AOX1: variants seen among roughly 807,000 people sequenced by gnomAD.
AOX1 encodes the protein aldehyde oxidase.
In AOX1, 153 loss-of-function variants were observed where a neutral mutation model predicts 169.5. The ratio of observed to expected loss-of-function variants is 0.90; its 90% CI spans 0.79 to 1.03. The LOEUF is 1.03. Ranked by LOEUF, AOX1 falls within the 50% of genes least tolerant of loss-of-function variation. AOX1 has a pLI of 0.00. For synonymous variants in AOX1, 562 were observed against 581.9 expected, an observed-to-expected ratio of 0.97 and a Z score of 0.49; for missense variants, 1,656 against 1,663.9, an observed-to-expected ratio of 1.00 and a Z score of 0.08.
At position 200,669,696 on chromosome 2, in the gene AOX1, C is replaced by T. The variant is rs771024005; in HGVS notation, c.3920C>T (p.Thr1307Ile). Residue 1307 changes from threonine (T) to isoleucine (I), a missense_variant, in exon 34 of 35, where the codon ACC (threonine) becomes ATC (isoleucine). Thr to Ile is a moderately conservative substitution (Grantham distance 89). Transcript: ENST00000374700. ...HGPLTLNSPL[T>I]PEKIRMACED... is the part of the protein sequence containing the mutation. ...CCCTTGACCCTTAATAGTCCACTGA[C>T]CCCGGAGAAGATTAGGATGGCCTGT... 13 of 1,613,752 alleles carry T rather than the reference C, an allele frequency of 8.1e-6. No individual in the cohort carries two copies. In the East Asian group the frequency reaches 2.9e-4, roughly 36 times the overall value.
Position 200,586,120 on chromosome 2 carries a change from G to T in AOX1, c.12G>T (p.Ala4=). The T allele has an allele frequency of 6.4e-7, 1 of 1,563,206 alleles. No homozygotes were observed. Among genetic ancestry groups the T allele is most frequent in the East Asian group, 2.4e-5 (1 of 42,036 alleles). Reference sequence around the variant, plus strand: ...GCGCGGACACCACAATGGACCGGGCGTCCGAGCTGCTCTTCTACGTGAACG... The same window carrying T: ...GCGCGGACACCACAATGGACCGGGCTTCCGAGCTGCTCTTCTACGTGAACG... MDR[A]SELLFYVNGR... The change falls in exon 1 of 35, where the codon GCG becomes GCT. Residue 4 remains alanine (A), a synonymous_variant. Transcript: ENST00000374700.
At chr2:200,643,458 T>C (rs535415339) in intron 25 of AOX1, among the ~76,000 whole-genome samples, 59 of 152,068 alleles carry the variant, frequency 3.9e-4, no homozygotes, top group Non-Finnish European at 6.9e-4. Flanking sequence ...CACTCATTGA[T>C]TGGTGGGCAT....
At chr2:200,628,955 A>C (rs2035059512) in intron 20 of AOX1, among the ~76,000 whole-genome samples, 1 of 151,842 alleles carries the variant, frequency 6.6e-6, no homozygotes. Flanking sequence ...ACAAACAAAA[A>C]ACACAACTCC....
rs546885121 is a variant in AOX1 at position 200,630,056 on chromosome 2, C to T, written c.2221+2607C>T. On this transcript the variant is annotated intron_variant, in intron 20 of 34. Coordinates refer to ENST00000374700, the MANE Select transcript of AOX1 (RefSeq NM_001159.4). The stretch of plus-strand genomic sequence containing the variant: ...AGGAGTTTGACACCAACCTGGTCAA[C>T]GTAGCAAGATACCTTCTATTAAAAA... 6.6e-5 allele frequency among the ~76,000 whole-genome samples: 10 copies of T among 151,864 alleles called. No individual in the cohort carries two copies. The South Asian group carries it at 2.1e-3, about 32-fold the overall frequency.
Position 200,632,889 on chromosome 2 carries a change from T to C in AOX1, c.2222-1902T>C, listed in dbSNP as rs202112017. The stretch of plus-strand genomic sequence containing the variant: ...CTGTCTTTAAAAGTGCTTTTTTTTT[T>C]CTTTCTTTCTTTCTTTTTTTTTTTT... On this transcript the variant is annotated intron_variant, in intron 20 of 34. Transcript: ENST00000374700. 2.7e-5 allele frequency among the ~76,000 whole-genome samples: 4 copies of C among 150,800 alleles called. No individual in the cohort carries two copies. The Admixed American group carries it at 2.7e-4, about 10-fold the overall frequency.
At position 200,627,402 on chromosome 2, in the gene AOX1, A is replaced by G; in HGVS notation, c.2174A>G (p.Tyr725Cys). 1 of 1,614,022 alleles carries G rather than the reference A, an allele frequency of 6.2e-7. No individual in the cohort carries two copies. Among genetic ancestry groups the G allele is most frequent in the Non-Finnish European group, 8.5e-7 (1 of 1,179,882 alleles). ...SSFKPERKLE[Y>C]GNVDEAFKVV... is the part of the protein sequence containing the mutation. Reference sequence around the variant, plus strand: ...TTCAAGCCAGAAAGGAAACTGGAATATGGAAATGTTGACGAAGCATTTAAA... The same window carrying G: ...TTCAAGCCAGAAAGGAAACTGGAATGTGGAAATGTTGACGAAGCATTTAAA... The change falls in exon 20 of 35, where the codon TAT becomes TGT. Residue 725 changes from tyrosine to cysteine, a missense_variant. By Grantham distance (194) the Tyr-to-Cys change is radical. Transcript: ENST00000374700.
intron 32 of AOX1, among the ~76,000 whole-genome samples, chr2:200,668,400 C>A (rs765887350): frequency 6.6e-6 from 1 of 152,124 alleles, no homozygotes. Flanking sequence ...TGAGCCACCA[C>A]GCCCGGCTGA....
chr2:200,680,300 T>C (rs1191394174), downstream of AOX1, among the ~76,000 whole-genome samples: 1 of 152,132 alleles, frequency 6.6e-6, no homozygotes, highest in Non-Finnish European at 1.5e-5. Context: ...TGACAATATA[T>C]GTTGAGCACC....
In AOX1 at chr2:200,664,068, G is replaced by A. The variant is rs566189765; in HGVS notation, c.3543+1099G>A. Among the ~76,000 whole-genome samples the A allele has an allele frequency of 2.0e-5, 3 of 152,212 alleles. No homozygotes were observed. The South Asian group carries it at 6.2e-4, about 32-fold the overall frequency. On this transcript the variant is annotated intron_variant, in intron 31 of 34. Coordinates refer to ENST00000374700, the MANE Select transcript of AOX1 (RefSeq NM_001159.4). ...CACTTTGAGCATGGTTTTTGTGTTA[G>A]ACTAGCAGCCCTACACTACTAGGGA...
chr2:200,666,564 C>T (rs375669418), intron 31 of AOX1, 123 bp from the exon 32 acceptor site: 57 of 496,032 alleles, frequency 1.1e-4, no homozygotes, highest in Admixed American at 8.3e-4. Flanking sequence ...TTGCTTCTTT[C>T]GAAATGACAT....
chr2:200,604,993 AT>A (rs1022424973), intron 9 of AOX1, among the ~76,000 whole-genome samples, 153 bp downstream of exon 9: 15 of 152,214 alleles, frequency 9.9e-5, no homozygotes, highest in African/African-American at 3.6e-4. Flanking sequence ...CTTCCTGAGC[AT>A]TGCTCAAGAG....
rs1054689443 is a variant in AOX1, at chr2:200,612,062, A to G, written c.1264-547A>G. Among the ~76,000 whole-genome samples, 6 of 152,148 alleles carry G rather than the reference A, an allele frequency of 3.9e-5. No homozygotes were observed. The South Asian group carries it at 6.2e-4, about 16-fold the overall frequency. The stretch of plus-strand genomic sequence containing the variant: ...ACCCCAAGCTCTAAAGTAACTTTCT[A>G]AAAGGTTTTTGTCCCATAAGCCTTT... On this transcript the variant is annotated intron_variant, in intron 13 of 34. Coordinates refer to ENST00000374700, the MANE Select transcript of AOX1 (RefSeq NM_001159.4).
chr2:200,599,879 A>C, intron 5 of AOX1, 133 bp downstream of exon 5: 2 of 587,628 alleles, frequency 3.4e-6, no homozygotes, highest in Non-Finnish European at 5.1e-6. Context: ...TCCGCCTCCC[A>C]GGTTCAAGCA....
intron 9 of AOX1, 60 bp downstream of exon 9, chr2:200,604,900 C>CTGGGGTGGGGG: frequency 8.0e-7 from 1 of 1,249,256 alleles, no homozygotes; most frequent in Non-Finnish European, 1.1e-6. Flanking sequence ...TGGGATGGGG[C>CTGGGGTGGGGG]CGGGGTGGGC....
rs780760529 is a variant in AOX1, at chr2:200,659,196, C to T, written c.3203C>T (p.Ser1068Leu). Residue 1068 changes from serine (S) to leucine (L), a missense_variant, in exon 28 of 35, where the codon TCG becomes TTG. By Grantham distance (145) the Ser-to-Leu change is moderately radical. Coordinates refer to ENST00000374700, the MANE Select transcript of AOX1 (RefSeq NM_001159.4). Reference sequence around the variant, plus strand: ...AGCCGTGAATTAAGAATGCCAATGTCGAATGTCCACCTGCGTGGAACAAGC... The same window carrying T: ...AGCCGTGAATTAAGAATGCCAATGTTGAATGTCCACCTGCGTGGAACAAGC... ...VVSRELRMPM[S>L]NVHLRGTSTE... The T allele has an allele frequency of 1.9e-5, 30 of 1,613,836 alleles. No individual in the cohort carries two copies. The highest frequency in any genetic ancestry group is 1.1e-4 in the South Asian group (10 of 91,034).
chr2:200,659,418 T>G (rs2035766539), intron 28 of AOX1, 125 bp downstream of exon 28: 8 of 1,066,214 alleles, frequency 7.5e-6, no homozygotes, highest in Admixed American at 2.3e-5. Flanking sequence ...TTGCCCTCAG[T>G]CAGTGGTACA....
Position 200,630,566 on chromosome 2 carries a change from G to GGAAGGAAA in AOX1, c.2221+3124_2221+3125insAGAAGGAA, listed in dbSNP as rs1463340218. Among the ~76,000 whole-genome samples, 25 of 56,904 alleles carry GGAAGGAAA rather than the reference G, an allele frequency of 4.4e-4. No individual in the cohort carries two copies. The South Asian group carries it at 0.018, about 42-fold the overall frequency. The allele number at this position is 56,904 out of a possible 152,430, so 37.3% of individuals were successfully genotyped here. ...AGGAAGGGAGGAAGGAAGGAAGGAAGGAAGGAAGGAAGGAAGGAAGGAAGG... is the reference window on the plus strand; with the variant it reads ...AGGAAGGGAGGAAGGAAGGAAGGAAGGAAGGAAAGAAGGAAGGAAGGAAGGAAGGAAGG... On this transcript the variant is annotated intron_variant, in intron 20 of 34. Coordinates refer to ENST00000374700, the MANE Select transcript of AOX1 (RefSeq NM_001159.4).
intron 27 of AOX1, among the ~76,000 whole-genome samples, chr2:200,657,792 A>G (rs2035724071): frequency 6.6e-6 from 1 of 152,212 alleles, no homozygotes; most frequent in African/African-American, 2.4e-5. Context: ...TAGATTATAA[A>G]ATATTTGGAA....
At chr2:200,635,093 T>TA (rs1377834076) in intron 21 of AOX1, among the ~76,000 whole-genome samples, 178 bp downstream of exon 21, 1 of 152,100 alleles carries the variant, frequency 6.6e-6, no homozygotes, top group African/African-American at 2.4e-5. Flanking sequence ...GCCTGGGAGA[T>TA]AGAGTGAGAC....
Sources: allele counts gnomAD v4.1 joint callset (sites outside exome capture counted in the v4.1 genomes callset), GRCh38; gene constraint gnomAD v4.1.1; transcripts MANE v1.5; gene names NCBI Gene and HGNC (gene_info 2026-07-23, HGNC 2026-07-21).